Variants in STARD5 observed in about 807,000 individuals in gnomAD.
STARD5 encodes stAR-related lipid transfer protein 5.
In STARD5, 26 loss-of-function variants were observed where a neutral mutation model predicts 24.6. The ratio of observed to expected loss-of-function variants is 1.06; its 90% CI spans 0.77 to 1.47. STARD5 has a LOEUF of 1.47. STARD5 is among the 40% of genes most tolerant of loss of function. The pLI, the probability that STARD5 is intolerant of heterozygous loss-of-function variation, is 0.00. For missense variants in STARD5, 254 were observed against 270.8 expected (o/e 0.94, Z 0.44); for synonymous variants, 101 against 99.7 (o/e 1.01, Z -0.07).
chr15:81,315,753 AGAG>A (rs1478006785), intron 5 of STARD5, among the ~76,000 whole-genome samples: 1 of 152,024 alleles, frequency 6.6e-6, no homozygotes, highest in Non-Finnish European at 1.5e-5. Flanking sequence ...CAAGAGAGCA[AGAG>A]GAGAGAGAAG....
At position 81,310,598 on chromosome 15, in the gene STARD5, C is replaced by CA. The variant is rs1224417289; in HGVS notation, c.*2657_*2658insT. On this transcript the variant is annotated 3_prime_UTR_variant, in exon 6 of 6. Transcript: ENST00000302824. Reference sequence around the variant, plus strand: ...GAAAGACGTGATTCAATTCAACACTCCCTTCCCATGACCCAGGCTGGGCAA... The same window carrying CA: ...GAAAGACGTGATTCAATTCAACACTCACCTTCCCATGACCCAGGCTGGGCAA... 1 of 152,220 alleles carries CA rather than the reference C, an allele frequency of 6.6e-6. No homozygotes were observed. The highest frequency in any genetic ancestry group is 1.9e-4 in the East Asian group (1 of 5,192). 9.4% of individuals were successfully genotyped at this position (152,220 alleles called of 1,614,324 possible). A position where few individuals can be genotyped will look rare whatever the true frequency, so the allele number is the denominator to read the frequency against.
chr15:81,314,216 A>G (rs1235045464), intron 5 of STARD5, among the ~76,000 whole-genome samples: 1 of 152,068 alleles, frequency 6.6e-6, no homozygotes, highest in Non-Finnish European at 1.5e-5. Context: ...CTTATGCCAA[A>G]ATTTTGAGAA....
Position 81,313,251 on chromosome 15 carries a change from T to G in STARD5, c.*5A>C. Reference sequence around the variant, plus strand: ...GGAGTTCTTTGCCAAGAAGTAACGATAGCATTACTCATGGAATTGCTTCAC... The same window carrying G: ...GGAGTTCTTTGCCAAGAAGTAACGAGAGCATTACTCATGGAATTGCTTCAC... On this transcript the variant is annotated 3_prime_UTR_variant, in exon 6 of 6. Transcript: ENST00000302824. 1 of 1,557,158 alleles carries G rather than the reference T, an allele frequency of 6.4e-7. No individual in the cohort carries two copies. The highest frequency in any genetic ancestry group is 8.7e-7 in the Non-Finnish European group (1 of 1,150,338).
At chr15:81,316,958 G>C (rs1002001476) in intron 5 of STARD5, among the ~76,000 whole-genome samples, 1 of 152,132 alleles carries the variant, frequency 6.6e-6, no homozygotes, top group Non-Finnish European at 1.5e-5. Flanking sequence ...CAGCACTTTG[G>C]GAGGCCAAGA....
At chr15:81,315,578 A>G (rs1452980962) in intron 5 of STARD5, among the ~76,000 whole-genome samples, 1 of 152,106 alleles carries the variant, frequency 6.6e-6, no homozygotes, top group Non-Finnish European at 1.5e-5. Context: ...TGCTCCAGAA[A>G]TGACACTGTA....
In STARD5 at chr15:81,309,500, C is replaced by G. The variant is rs527522162; in HGVS notation, c.*3756G>C. On this transcript the variant is annotated 3_prime_UTR_variant, in exon 6 of 6. Coordinates refer to ENST00000302824, the MANE Select transcript of STARD5 (RefSeq NM_181900.3). ...GGAAGTTGCATGGCATCACCTCCAC[C>G]ATACTCCATCAGTTAGAGCTGACAC... The G allele has an allele frequency of 6.6e-6, 1 of 152,466 alleles. No individual in the cohort carries two copies. The highest frequency in any genetic ancestry group is 2.1e-4 in the South Asian group (1 of 4,832). 9.4% of individuals were successfully genotyped at this position (152,466 alleles called of 1,614,324 possible).
At chr15:81,317,567 C>CTGAAA (rs1901109399) in intron 5 of STARD5, among the ~76,000 whole-genome samples, 1 of 152,164 alleles carries the variant, frequency 6.6e-6, no homozygotes, top group Non-Finnish European at 1.5e-5. Flanking sequence ...CACATGATGT[C>CTGAAA]TGAAAAGCCA....
rs1273241818 is a variant in STARD5 at position 81,322,517 on chromosome 15, T to G, written c.173A>C (p.Tyr58Ser). 6.2e-7 allele frequency: 1 copy of G among 1,614,170 alleles called. No individual in the cohort carries two copies. ...GNLYRGEGIVYGTLEEVWDCV... is the reference protein window; with the variant it reads ...GNLYRGEGIVSGTLEEVWDCV... ...GTCCCACACCTCCTCTAGTGTCCCA[T>G]ATACAATGCCTTCTCCTCGGTACCT... Residue 58 changes from tyrosine to serine, a missense_variant, in exon 3 of 6, where the codon TAT becomes TCT. Tyr to Ser is a moderately radical substitution (Grantham distance 144, BLOSUM62 -2). Transcript: ENST00000302824.
In STARD5 at chr15:81,312,315, G is replaced by C. The variant is rs1199965611; in HGVS notation, c.*941C>G. The stretch of plus-strand genomic sequence containing the variant: ...ACAGTCTTGCAGCAGGATCTAGAGG[G>C]GGGATTTCCAGCCAGGGCTGCTAGA... On this transcript the variant is annotated 3_prime_UTR_variant, in exon 6 of 6. Transcript: ENST00000302824. 1 of 152,290 alleles carries C rather than the reference G, an allele frequency of 6.6e-6. No individual in the cohort carries two copies. The highest frequency in any genetic ancestry group is 2.1e-4 in the South Asian group (1 of 4,830). The allele number at this position is 152,290 out of a possible 1,614,324, so 9.4% of individuals were successfully genotyped here.
chr15:81,315,748 G>C (rs1051143886), intron 5 of STARD5, among the ~76,000 whole-genome samples: 2 of 152,070 alleles, frequency 1.3e-5, no homozygotes, highest in Non-Finnish European at 2.9e-5. Context: ...TTACTCAAGA[G>C]AGCAAGAGGA....
chr15:81,316,216 T>A (rs994727337), intron 5 of STARD5, among the ~76,000 whole-genome samples: 2 of 152,220 alleles, frequency 1.3e-5, no homozygotes, highest in Non-Finnish European at 2.9e-5. Flanking sequence ...ACCCCCTAGA[T>A]AACCCACTCA....
intron 3 of STARD5, among the ~76,000 whole-genome samples, chr15:81,321,115 TC>T (rs1901185434): frequency 6.6e-6 from 1 of 152,224 alleles, no homozygotes; most frequent in Non-Finnish European, 1.5e-5. Flanking sequence ...AGCCTGTGCT[TC>T]CCCTCTACTT....
intron 5 of STARD5, among the ~76,000 whole-genome samples, chr15:81,316,559 G>A (rs964135974): frequency 6.6e-6 from 1 of 152,148 alleles, no homozygotes; most frequent in Non-Finnish European, 1.5e-5. Flanking sequence ...AGTGCCTTAC[G>A]GTTGTTATAA....
chr15:81,313,208 GCTCCT>G lies in STARD5; in HGVS notation c.*43_*47del. Reference sequence around the variant, plus strand: ...GCTCCTTGGTGTCCCAACAGCTGGAGCTCCTCGATGAGTCACGGGAGTTCTTTGCC... The same window carrying G: ...GCTCCTTGGTGTCCCAACAGCTGGAGCGATGAGTCACGGGAGTTCTTTGCC... On this transcript the variant is annotated 3_prime_UTR_variant, in exon 6 of 6. Coordinates refer to ENST00000302824, the MANE Select transcript of STARD5 (RefSeq NM_181900.3). The G allele has an allele frequency of 6.8e-7, 1 of 1,473,422 alleles. No individual in the cohort carries two copies. The highest frequency in any genetic ancestry group is 2.6e-5 in the East Asian group (1 of 37,852). The allele number at this position is 1,473,422 out of a possible 1,614,324, so 91.3% of individuals were successfully genotyped here.
Position 81,324,077 on chromosome 15 carries a change from T to C in STARD5, c.23A>G (p.Gln8Arg). Residue 8 changes from glutamine (Q) to arginine (R), a missense_variant, in exon 1 of 6, where the codon CAG (glutamine) becomes CGG (arginine). Coordinates refer to ENST00000302824, the MANE Select transcript of STARD5 (RefSeq NM_181900.3). ...CTTCTCGGCCACAGCCTCGCTCATC[T>C]GGGCTGCCAGCGCCGGGTCCATTGC... is the stretch of plus-strand genomic sequence containing the variant. MDPALAAQMSEAVAEKML... is the reference protein window; with the variant it reads MDPALAARMSEAVAEKML... The C allele has an allele frequency of 6.5e-7, 1 of 1,530,052 alleles. No individual in the cohort carries two copies. Among genetic ancestry groups the C allele is most frequent in the Non-Finnish European group, 8.9e-7 (1 of 1,129,234 alleles). The allele number at this position is 1,530,052 out of a possible 1,614,324, so 94.8% of individuals were successfully genotyped here.
intron 5 of STARD5, among the ~76,000 whole-genome samples, chr15:81,315,070 GA>G (rs1424701967): frequency 2.0e-5 from 3 of 151,912 alleles, no homozygotes; most frequent in Admixed American, 2.0e-4. Flanking sequence ...AACTCCAGGG[GA>G]CAGAGACTTC....
In STARD5 at chr15:81,323,880, A is replaced by G. The variant is rs559818230; in HGVS notation, c.99+121T>C. The stretch of plus-strand genomic sequence containing the variant: ...ACAATCCCCATTGGAATCCCTCTCA[A>G]TCGGGTCCAGGGGATTGGGGAGCAG... On this transcript the variant is annotated intron_variant, in intron 1 of 5. Transcript: ENST00000302824. The G allele has an allele frequency of 3.2e-5, 33 of 1,018,054 alleles. No homozygotes were observed. The South Asian group carries it at 4.6e-4, about 14-fold the overall frequency. The allele number at this position is 1,018,054 out of a possible 1,614,324, so 63.1% of individuals were successfully genotyped here.
rs1353544246 is a variant in STARD5, at chr15:81,323,778, T to C, written c.99+223A>G. On this transcript the variant is annotated intron_variant, in intron 1 of 5. Transcript: ENST00000302824. ...AGCCAGGTGACCTTGGGCAAGTCAC[T>C]GAGTGAAAGGAACAGATACTTACCA... 6 of 710,144 alleles carry C rather than the reference T, an allele frequency of 8.4e-6. No individual in the cohort carries two copies. In the East Asian group the frequency reaches 1.6e-4, roughly 19 times the overall value. 44.0% of individuals were successfully genotyped at this position (710,144 alleles called of 1,614,324 possible). A position where few individuals can be genotyped will look rare whatever the true frequency, so the allele number is the denominator to read the frequency against.
Position 81,313,071 on chromosome 15 carries a change from A to G in STARD5, c.*185T>C, listed in dbSNP as rs1900948467. The G allele has an allele frequency of 1.7e-6, 1 of 572,706 alleles. No individual in the cohort carries two copies. The allele number at this position is 572,706 out of a possible 1,614,324, so 35.5% of individuals were successfully genotyped here. On this transcript the variant is annotated 3_prime_UTR_variant, in exon 6 of 6. Transcript: ENST00000302824. ...AATGGCTCATCACACGCCAACCCTG[A>G]GTGGGGCAGGAGGCAGGAAGGGTGG...
Sources: gnomAD v4.1 joint callset for allele counts (sites outside exome capture counted in the v4.1 genomes callset) on GRCh38, gnomAD v4.1.1 for gene constraint, MANE v1.5 for transcripts, NCBI Gene and HGNC (gene_info 2026-07-23, HGNC 2026-07-21) for gene names.